Variants in TRPM3 observed in about 807,000 individuals in gnomAD.
TRPM3 encodes long transient receptor potential channel 3.
In TRPM3, 77 loss-of-function variants were observed where a neutral mutation model predicts 181.2. The observed-to-expected ratio is 0.42, with a 90% confidence interval of 0.35 to 0.51. TRPM3 has a LOEUF of 0.51. Ranked by LOEUF, TRPM3 falls within the 20% of genes least tolerant of loss-of-function variation. The probability of loss-of-function intolerance (pLI) is 0.01; values close to 1 mark genes in which losing one functional copy is unlikely to be tolerated. For synonymous variants in TRPM3, 745 were observed against 796.4 expected, an observed-to-expected ratio of 0.94 and a Z score of 1.09; for missense variants, 1,759 against 2,196.7, an observed-to-expected ratio of 0.80 and a Z score of 3.98.
Position 70,596,258 on chromosome 9 carries a change from C to A in TRPM3, c.3048+2161G>T, listed in dbSNP as rs148477004. The stretch of plus-strand genomic sequence containing the variant: ...TAAATAAATTGCTCAATGTGTTATA[C>A]CCAATTCATTTTGAATTTGAATTCT... On this transcript the variant is annotated intron_variant, in intron 21 of 25. Transcript: ENST00000677713. Among the ~76,000 whole-genome samples the A allele has an allele frequency of 9.2e-5, 14 of 152,244 alleles. No homozygotes were observed. The East Asian group carries it at 2.7e-3, about 29-fold the overall frequency.
chr9:71,397,617 A>T (rs2093231542), intron 1 of TRPM3, among the ~76,000 whole-genome samples: 1 of 152,208 alleles, frequency 6.6e-6, no homozygotes. Context: ...ATGACAATGA[A>T]TTTAAATTCT....
At chr9:70,857,903 G>A (rs969540257) in intron 3 of TRPM3, among the ~76,000 whole-genome samples, 2 of 152,140 alleles carry the variant, frequency 1.3e-5, no homozygotes, top group Admixed American at 6.5e-5. Flanking sequence ...GTTGTGAATT[G>A]CTGCATCCAA....
rs150443123 is a variant in TRPM3, at chr9:71,441,720, C to T, written c.183+4933G>A. Among the ~76,000 whole-genome samples the T allele has an allele frequency of 9.3e-3, 1,400 of 151,108 alleles. 19 individuals carry two copies. Among genetic ancestry groups the T allele is most frequent in the African/African-American group, 0.032 (1,322 of 40,990 alleles). On this transcript the variant is annotated intron_variant, in intron 1 of 24. Transcript: ENST00000357533. ...TGATCTCGGCTCACTGCAACCTCTG[C>T]CTCCAGGGTTCAAGTGATTCTCTTG...
At chr9:71,396,817 T>G (rs2093209567) in intron 1 of TRPM3, among the ~76,000 whole-genome samples, 1 of 151,516 alleles carries the variant, frequency 6.6e-6, no homozygotes, top group South Asian at 2.1e-4. Context: ...ATACAAAAAA[T>G]TTGCCAGGCA....
chr9:70,627,152 C>A (rs1309944751), intron 12 of TRPM3, among the ~76,000 whole-genome samples: 1 of 151,868 alleles, frequency 6.6e-6, no homozygotes, highest in Non-Finnish European at 1.5e-5. Context: ...TGGAAATTTG[C>A]TCTGAAATAC....
intron 1 of TRPM3, among the ~76,000 whole-genome samples, chr9:71,268,642 T>C (rs948926254): frequency 6.6e-6 from 1 of 151,810 alleles, no homozygotes; most frequent in Non-Finnish European, 1.5e-5. Context: ...CTTGCCAACA[T>C]GGTGAAACCG....
chr9:70,670,936 A>G lies in TRPM3; in HGVS notation c.1345+10570T>C, dbSNP rs1176729305. 3.3e-5 allele frequency among the ~76,000 whole-genome samples: 5 copies of G among 152,334 alleles called. No homozygotes were observed. The East Asian group carries it at 9.6e-4, about 29-fold the overall frequency. ...TTTGTTTACTGGCTACAGCCAGTAAAGAATTAGGATTTAAGGACATCTAAT... is the reference window on the plus strand; with the variant it reads ...TTTGTTTACTGGCTACAGCCAGTAAGGAATTAGGATTTAAGGACATCTAAT... On this transcript the variant is annotated intron_variant, in intron 9 of 25. Coordinates refer to ENST00000677713, the MANE Select transcript of TRPM3 (RefSeq NM_001366145.2).
intron 1 of TRPM3, among the ~76,000 whole-genome samples, chr9:70,965,048 C>CA (rs1362129853): frequency 6.6e-6 from 1 of 152,022 alleles, no homozygotes; most frequent in African/African-American, 2.4e-5. Context: ...CTAACTCACT[C>CA]ACTCTCCCCC....
intron 9 of TRPM3, 56 bp downstream of exon 9, chr9:70,681,450 C>T: frequency 7.1e-7 from 1 of 1,404,534 alleles, no homozygotes; most frequent in East Asian, 2.3e-5. Context: ...GACATAAGGT[C>T]ACTGTATTAA....
At chr9:71,103,997 G>A (rs554293808) in intron 1 of TRPM3, among the ~76,000 whole-genome samples, 27 of 151,354 alleles carry the variant, frequency 1.8e-4, no homozygotes, top group Non-Finnish European at 3.1e-4. Flanking sequence ...TAACTGCAAC[G>A]TCCACCTCCC....
At chr9:70,747,732 ATACT>A (rs1466719689) in intron 8 of TRPM3, among the ~76,000 whole-genome samples, 2 of 151,536 alleles carry the variant, frequency 1.3e-5, no homozygotes, top group African/African-American at 2.4e-5. Flanking sequence ...AAAACTTGAA[ATACT>A]TACTATCTGC....
At chr9:70,925,116 C>T (rs1036762878) in intron 1 of TRPM3, among the ~76,000 whole-genome samples, 10 of 152,126 alleles carry the variant, frequency 6.6e-5, no homozygotes, top group African/African-American at 2.4e-4. Context: ...CATGTATAGC[C>T]CTACCTGCCC....
Position 70,615,972 on chromosome 9 carries a change from T to C in TRPM3, c.2462A>G (p.Glu821Gly), listed in dbSNP as rs750624887. 5.6e-6 allele frequency: 9 copies of C among 1,613,504 alleles called. No homozygotes were observed. Among genetic ancestry groups the C allele is most frequent in the Non-Finnish European group, 5.1e-6 (6 of 1,179,702 alleles). Residue 821 changes from glutamate (E) to glycine (G), a missense_variant, in exon 18 of 26, where the codon GAG (glutamate) becomes GGG (glycine). Glu to Gly is a moderately conservative substitution (Grantham distance 98). This residue lies in a region of TRPM3 where 114 missense variants were observed against 134.8 expected (regional missense o/e 0.85). Coordinates refer to ENST00000677713, the MANE Select transcript of TRPM3 (RefSeq NM_001366145.2). The part of the protein sequence containing the change: ...MSQAQEIHLQ[E>G]KEAEEPEKPT... ...CTTCTCTGGTTCTTCTGCCTCCTTC[T>C]CTTGGAGGTGGATTTCCTGGGCCTG... is the stretch of plus-strand genomic sequence containing the variant.
chr9:71,280,049 C>T (rs1443373597), intron 1 of TRPM3, among the ~76,000 whole-genome samples: 2 of 147,598 alleles, frequency 1.4e-5, no homozygotes, highest in African/African-American at 5.0e-5. Context: ...TTGCACTCTA[C>T]CACAGATGAT....
intron 1 of TRPM3, chr9:70,917,454 AG>A (rs777729341): frequency 6.4e-5 from 49 of 763,480 alleles, no homozygotes; most frequent in Non-Finnish European, 1.1e-4. Context: ...GAGTGGAACA[AG>A]GCCACCCGCA....
At chr9:71,153,512 A>G (rs949861452) in intron 1 of TRPM3, among the ~76,000 whole-genome samples, 3 of 152,010 alleles carry the variant, frequency 2.0e-5, no homozygotes, top group Non-Finnish European at 2.9e-5. Flanking sequence ...GCTGGTCTCA[A>G]ACTCAAGTGA....
At chr9:71,175,686 G>A (rs993399653) in intron 1 of TRPM3, among the ~76,000 whole-genome samples, 1 of 152,162 alleles carries the variant, frequency 6.6e-6, no homozygotes, top group African/African-American at 2.4e-5. Flanking sequence ...GGTGACAGAC[G>A]GGTCGCATAG....
chr9:71,163,910 G>A (rs919140939), intron 1 of TRPM3, among the ~76,000 whole-genome samples: 1 of 152,172 alleles, frequency 6.6e-6, no homozygotes, highest in Non-Finnish European at 1.5e-5. Context: ...GAACTATAAA[G>A]ATAGAAGTGT....
intron 1 of TRPM3, among the ~76,000 whole-genome samples, chr9:71,233,985 T>G (rs966690744): frequency 1.3e-5 from 2 of 152,244 alleles, no homozygotes; most frequent in African/African-American, 2.4e-5. Flanking sequence ...GACTTAGTAG[T>G]TTACAATAAC....
Sources: allele counts gnomAD v4.1 joint callset (sites outside exome capture counted in the v4.1 genomes callset), GRCh38; gene constraint gnomAD v4.1.1; regional missense constraint gnomAD v4.1.1; transcripts MANE v1.5; gene names NCBI Gene and HGNC (gene_info 2026-07-23, HGNC 2026-07-21).